The following TBC1D9 variants were observed in gnomAD, a reference collection of about 807,000 sequenced individuals.
TBC1D9 encodes TBC1 domain family member 9A.
A neutral mutation model predicts 132.0 loss-of-function variants in TBC1D9; 63 were observed. The observed-to-expected ratio is 0.48, with a 90% CI of 0.39 to 0.59. The LOEUF (loss-of-function observed/expected upper bound fraction) is 0.59. Ranked by LOEUF, TBC1D9 falls within the 20% of genes least tolerant of loss-of-function variation. TBC1D9 has a pLI of 0.00. For synonymous variants in TBC1D9, 610 were observed against 609.9 expected (o/e 1.00, Z 0.00); for missense variants, 1,261 against 1,592.7 (o/e 0.79, Z 3.54).
intron 1 of TBC1D9, among the ~76,000 whole-genome samples, chr4:140,741,061 T>TGGTGA (rs1738751595): frequency 6.6e-6 from 1 of 151,968 alleles, no homozygotes; most frequent in African/African-American, 2.4e-5. Flanking sequence ...CAGGGTGGGG[T>TGGTGA]GGTGAGGGCT....
chr4:140,670,498 C>A (rs1251911678), intron 7 of TBC1D9: 4 of 533,508 alleles, frequency 7.5e-6, no homozygotes, highest in Non-Finnish European at 1.3e-5. Context: ...AGAATTTCTT[C>A]AACTATAAAA....
chr4:140,670,987 A>G (rs543860587), intron 6 of TBC1D9, 61 bp from the exon 7 acceptor site: 22 of 1,432,692 alleles, frequency 1.5e-5, no homozygotes, highest in Non-Finnish European at 2.1e-5. Flanking sequence ...AGCAGCCTAT[A>G]TGCAGCACTA....
At chr4:140,652,945 T>C (rs1737209570) in intron 13 of TBC1D9, among the ~76,000 whole-genome samples, 1 of 152,258 alleles carries the variant, frequency 6.6e-6, no homozygotes, top group Non-Finnish European at 1.5e-5. Context: ...CTGTGATAGC[T>C]GTGTACCCAC....
chr4:140,675,898 G>A (rs1737615791), intron 6 of TBC1D9, among the ~76,000 whole-genome samples: 1 of 152,096 alleles, frequency 6.6e-6, no homozygotes, highest in Non-Finnish European at 1.5e-5. Context: ...TGTATTTGAT[G>A]CTTTGGCATC....
At chr4:140,677,129 A>G (rs1349612797) in intron 5 of TBC1D9, 28 bp from the exon 6 acceptor site, 1 of 1,610,210 alleles carries the variant, frequency 6.2e-7, no homozygotes, top group African/African-American at 1.3e-5. Flanking sequence ...CAATTCACAT[A>G]AGAAAAATGT....
intron 14 of TBC1D9, 41 bp downstream of exon 14, chr4:140,639,289 G>A: frequency 6.5e-7 from 1 of 1,529,248 alleles, no homozygotes; most frequent in Non-Finnish European, 9.0e-7. Context: ...TGTGAAGAAG[G>A]AAGATGACAG....
chr4:140,751,033 A>G (rs1738916342), intron 1 of TBC1D9, among the ~76,000 whole-genome samples: 1 of 152,178 alleles, frequency 6.6e-6, no homozygotes, highest in African/African-American at 2.4e-5. Flanking sequence ...TAAGTAGAGG[A>G]GCATCTGTAT....
chr4:140,644,399 C>T (rs1346373420), intron 13 of TBC1D9: 2 of 284,690 alleles, frequency 7.0e-6, no homozygotes, highest in African/African-American at 2.3e-5. Flanking sequence ...CCTCCAGCGG[C>T]TGGATGACCT....
At chr4:140,709,248 T>TCTCTCTCTCTCACACACACACA (rs1382500714) in intron 1 of TBC1D9, among the ~76,000 whole-genome samples, 34 of 104,186 alleles carry the variant, frequency 3.3e-4, no homozygotes, top group African/African-American at 1.5e-3. Flanking sequence ...TCTCTCTCTC[T>TCTCTCTCTCTCACACACACACA]CACACACACA....
rs543520355 is a variant in TBC1D9, at chr4:140,633,002, T to C, written c.2746+946A>G. 3.9e-5 allele frequency among the ~76,000 whole-genome samples: 6 copies of C among 152,330 alleles called. No homozygotes were observed. In the South Asian group the frequency reaches 1.0e-3, roughly 26 times the overall value. On this transcript the variant is annotated intron_variant, in intron 16 of 20. Coordinates refer to ENST00000442267, the MANE Select transcript of TBC1D9 (RefSeq NM_015130.3). ...GCGTATAGATGAGTACTTTATACAATTTTTGTTTTAACCTCAACGGACCTT... is the reference window on the plus strand; with the variant it reads ...GCGTATAGATGAGTACTTTATACAACTTTTGTTTTAACCTCAACGGACCTT...
chr4:140,635,228 C>T (rs1736859467), intron 15 of TBC1D9, among the ~76,000 whole-genome samples: 1 of 151,968 alleles, frequency 6.6e-6, no homozygotes, highest in Non-Finnish European at 1.5e-5. Context: ...CCTATATTCC[C>T]AGCACTTTGG....
chr4:140,651,291 C>T (rs141892512), intron 13 of TBC1D9, among the ~76,000 whole-genome samples: 71 of 152,246 alleles, frequency 4.7e-4, no homozygotes, highest in African/African-American at 1.6e-3. Flanking sequence ...GGTGAAACCC[C>T]GTCTCCACAA....
intron 2 of TBC1D9, among the ~76,000 whole-genome samples, chr4:140,693,027 CA>C (rs919668394): frequency 6.3e-5 from 9 of 143,542 alleles, no homozygotes; most frequent in African/African-American, 7.7e-5. Flanking sequence ...GACCCTGTTT[CA>C]AAAAAAAAAC....
intron 13 of TBC1D9, chr4:140,644,948 T>TG (rs1176989601): frequency 4.4e-6 from 2 of 454,508 alleles, no homozygotes; most frequent in African/African-American, 4.1e-5. Context: ...AGTGCAGAGA[T>TG]GGAGGTCCCA....
At chr4:140,729,711 T>C (rs1027711181) in intron 1 of TBC1D9, among the ~76,000 whole-genome samples, 6 of 146,810 alleles carry the variant, frequency 4.1e-5, no homozygotes, top group Non-Finnish European at 7.4e-5. Context: ...TCCCAGCTAC[T>C]CAGAAGGCTG....
At chr4:140,716,330 GT>G (rs1350649604) in intron 1 of TBC1D9, among the ~76,000 whole-genome samples, 1 of 151,974 alleles carries the variant, frequency 6.6e-6, no homozygotes, top group East Asian at 1.9e-4. Flanking sequence ...TCTACAAAAA[GT>G]TTTTTAAAAA....
intron 1 of TBC1D9, among the ~76,000 whole-genome samples, chr4:140,707,188 AT>A (rs1738162527): frequency 6.6e-6 from 1 of 151,898 alleles, no homozygotes; most frequent in Non-Finnish European, 1.5e-5. Flanking sequence ...TGTTAGTTAA[AT>A]TTGCATTCCT....
At chr4:140,669,876 T>C (rs1190316276) in intron 7 of TBC1D9, 72 bp from the exon 8 acceptor site, 7 of 1,408,384 alleles carry the variant, frequency 5.0e-6, no homozygotes, top group African/African-American at 1.4e-5. Context: ...GTGTCTTCTG[T>C]ATGGTTATCA....
At chr4:140,642,236 T>C (rs1578819933) in intron 13 of TBC1D9, 2 of 722,762 alleles carry the variant, frequency 2.8e-6, no homozygotes, top group Non-Finnish European at 5.0e-6. Flanking sequence ...ATTCTTCGTC[T>C]TCCTCTGAGT....
Sources: allele counts gnomAD v4.1 joint callset (sites outside exome capture counted in the v4.1 genomes callset), GRCh38; gene constraint gnomAD v4.1.1; transcripts MANE v1.5; gene names NCBI Gene and HGNC (gene_info 2026-07-23, HGNC 2026-07-21).